Variants in HINT1 observed in about 807,000 individuals in gnomAD.
HINT1 encodes adenosine 5'-monophosphoramidase HINT1.
In HINT1, 12 loss-of-function variants were observed where a neutral mutation model predicts 11.2. The observed-to-expected ratio is 1.07, with a 90% CI of 0.69 to 1.74. HINT1 has a LOEUF of 1.74. Ranked by LOEUF, HINT1 falls within the 40% of genes most tolerant of loss-of-function variation. The pLI, the probability that HINT1 is intolerant of heterozygous loss-of-function variation, is 0.00. For missense variants in HINT1, 150 were observed against 161.8 expected (o/e 0.93, Z 0.40); for synonymous variants, 42 against 52.6 (o/e 0.80, Z 0.87).
At chr5:131,162,378 T>A in intron 2 of HINT1, 194 bp downstream of exon 2, 1 of 1,037,860 alleles carries the variant, frequency 9.6e-7, no homozygotes, top group Non-Finnish European at 1.4e-6. Context: ...GCTGGAACGC[T>A]CATTCATTGC....
At chr5:131,162,927 T>A (rs920987636) in intron 1 of HINT1, among the ~76,000 whole-genome samples, 3 of 151,992 alleles carry the variant, frequency 2.0e-5, no homozygotes, top group African/African-American at 7.2e-5. Flanking sequence ...AACCTCCGCC[T>A]CCTGGGTTCA....
rs1245711407 is a variant in HINT1 at position 131,165,232 on chromosome 5, A to G, written c.-27T>C. Reference sequence around the variant, plus strand: ...TCGGCCTCTCTCCCGCGCGGCGGCCAGAGGAGAGGCTCGGAAGAAGGGAGG... The same window carrying G: ...TCGGCCTCTCTCCCGCGCGGCGGCCGGAGGAGAGGCTCGGAAGAAGGGAGG... On this transcript the variant is annotated 5_prime_UTR_variant, in exon 1 of 3. Transcript: ENST00000304043. The G allele has an allele frequency of 4.4e-6, 7 of 1,597,778 alleles. No homozygotes were observed. The highest frequency in any genetic ancestry group is 5.1e-6 in the Non-Finnish European group (6 of 1,177,582).
chr5:131,159,253 T>C lies in HINT1; in HGVS notation c.*194A>G. ...TCACATATTCCAACAAATATGTTTTTAAAATAACAAATCAAACGCAACACT... is the reference window on the plus strand; with the variant it reads ...TCACATATTCCAACAAATATGTTTTCAAAATAACAAATCAAACGCAACACT... On this transcript the variant is annotated 3_prime_UTR_variant, in exon 3 of 3. Coordinates refer to ENST00000304043, the MANE Select transcript of HINT1 (RefSeq NM_005340.7). 4.2e-6 allele frequency: 2 copies of C among 480,552 alleles called. No individual in the cohort carries two copies. The highest frequency in any genetic ancestry group is 7.1e-5 in the Admixed American group (2 of 28,284). The allele number at this position is 480,552 out of a possible 1,614,324, so 29.8% of individuals were successfully genotyped here. A position where few individuals can be genotyped will look rare whatever the true frequency, so the allele number is the denominator to read the frequency against.
At chr5:131,161,826 C>T (rs535526994) in intron 2 of HINT1, among the ~76,000 whole-genome samples, 2 of 152,242 alleles carry the variant, frequency 1.3e-5, no homozygotes, top group East Asian at 3.9e-4. Flanking sequence ...GGGTTTGACC[C>T]GTGCAGGTCT....
chr5:131,162,998 C>T (rs1755296930), intron 1 of HINT1, among the ~76,000 whole-genome samples: 1 of 152,092 alleles, frequency 6.6e-6, no homozygotes. Flanking sequence ...CCATCATGCC[C>T]AGCTAATTTT....
rs1195414351 is a variant in HINT1, at chr5:131,159,227, T to G, written c.*220A>C. ...AAACATCCAAAATTATAAACCCACC[T>G]TCACATATTCCAACAAATATGTTTT... On this transcript the variant is annotated 3_prime_UTR_variant, in exon 3 of 3. Coordinates refer to ENST00000304043, the MANE Select transcript of HINT1 (RefSeq NM_005340.7). 2.3e-6 allele frequency: 1 copy of G among 429,758 alleles called. No individual in the cohort carries two copies. Among genetic ancestry groups the G allele is most frequent in the Non-Finnish European group, 4.2e-6 (1 of 240,502 alleles). 26.6% of individuals were successfully genotyped at this position (429,758 alleles called of 1,614,324 possible). A position where few individuals can be genotyped will look rare whatever the true frequency, so the allele number is the denominator to read the frequency against.
intron 1 of HINT1, among the ~76,000 whole-genome samples, chr5:131,164,777 G>T (rs1055909797): frequency 1.3e-5 from 2 of 152,100 alleles, no homozygotes; most frequent in Admixed American, 6.5e-5. Context: ...GGCAGCCGGG[G>T]AACCGGCGGG....
At chr5:131,162,196 C>G (rs1384522674) in intron 2 of HINT1, 1 of 518,986 alleles carries the variant, frequency 1.9e-6, no homozygotes. Context: ...TGGTGGCGGG[C>G]GCCTGTTGTC....
chr5:131,159,723 C>A, intron 2 of HINT1, 112 bp from the exon 3 acceptor site: 1 of 945,604 alleles, frequency 1.1e-6, no homozygotes, highest in Non-Finnish European at 1.6e-6. Context: ...TGAAACACAA[C>A]CCTTTGAGCA....
At position 131,162,590 on chromosome 5, in the gene HINT1, T is replaced by C. The variant is rs150581567; in HGVS notation, c.198A>G (p.Ala66=). ...TACTTACACTTTCATCATCATCTTC[T>C]GCCACAGAAATCTGGGATATATGTT... is the stretch of plus-strand genomic sequence containing the variant. The part of the protein sequence containing the change: ...PKKHISQISV[A]EDDDESLLGH... The change falls in exon 2 of 3, where the codon GCA becomes GCG. Residue 66 remains alanine (A), a synonymous_variant. Coordinates refer to ENST00000304043, the MANE Select transcript of HINT1 (RefSeq NM_005340.7). 305 of 1,612,118 alleles carry C rather than the reference T, an allele frequency of 1.9e-4. 1 individual carries two copies. The African/African-American group carries it at 3.8e-3, about 20-fold the overall frequency.
Position 131,162,689 on chromosome 5 carries a change from G to C in HINT1, c.112-13C>G. ...GGAAAGCAAGGCACTAGGGAAAAGA[G>C]AAATAAATAAATAAATCAAACTTTT... On this transcript the variant is annotated splice_polypyrimidine_tract_variant and intron_variant, in intron 1 of 2. Transcript: ENST00000304043. 7 of 1,516,748 alleles carry C rather than the reference G, an allele frequency of 4.6e-6. No individual in the cohort carries two copies. Among genetic ancestry groups the C allele is most frequent in the Non-Finnish European group, 6.4e-6 (7 of 1,099,886 alleles). 94.0% of individuals were successfully genotyped at this position (1,516,748 alleles called of 1,614,324 possible).
intron 1 of HINT1, among the ~76,000 whole-genome samples, chr5:131,164,677 AT>A (rs1755346401): frequency 6.6e-6 from 1 of 152,164 alleles, no homozygotes; most frequent in African/African-American, 2.4e-5. Flanking sequence ...GATCGCGGAG[AT>A]TGGGCCTGAG....
At chr5:131,160,896 C>T (rs1227457523) in intron 2 of HINT1, 6 of 452,268 alleles carry the variant, frequency 1.3e-5, no homozygotes, top group African/African-American at 6.0e-5. Context: ...TGTAGGTTAA[C>T]GTTAAGTGTT....
intron 1 of HINT1, among the ~76,000 whole-genome samples, chr5:131,164,503 AGGGATAGGGGTAG>A (rs1242877130): frequency 2.0e-5 from 3 of 152,152 alleles, no homozygotes; most frequent in African/African-American, 7.2e-5. Flanking sequence ...GGGTGGAGAT[AGGGATAGGGGTAG>A]GGGTGAGGGT....
At chr5:131,161,198 T>C in intron 2 of HINT1, among the ~76,000 whole-genome samples, 1 of 152,196 alleles carries the variant, frequency 6.6e-6, no homozygotes, top group East Asian at 1.9e-4. Flanking sequence ...ATTTAGAATG[T>C]TAACTGAGTA....
rs1238109957 is a variant in HINT1, at chr5:131,162,553, A to G, written c.216+19T>C. 1.2e-6 allele frequency: 2 copies of G among 1,604,058 alleles called. No homozygotes were observed. Among genetic ancestry groups the G allele is most frequent in the Non-Finnish European group, 1.7e-6 (2 of 1,171,104 alleles). On this transcript the variant is annotated intron_variant, in intron 2 of 2. Coordinates refer to ENST00000304043, the MANE Select transcript of HINT1 (RefSeq NM_005340.7). ...AATTTAAAAAGCAAGAAAATAAATC[A>G]TGTTAGAAATGTACTTACACTTTCA... is the stretch of plus-strand genomic sequence containing the variant.
intron 2 of HINT1, 37 bp downstream of exon 2, chr5:131,162,535 A>T: frequency 1.2e-6 from 2 of 1,607,586 alleles, no homozygotes; most frequent in Non-Finnish European, 8.5e-7. Context: ...CACAATTTAA[A>T]AAGCAAGAAA....
intron 2 of HINT1, chr5:131,160,629 A>C: frequency 2.2e-6 from 2 of 929,188 alleles, no homozygotes; most frequent in Non-Finnish European, 2.7e-6. Context: ...TACCTTATTA[A>C]GCCCCAGGAC....
At chr5:131,162,457 T>C in intron 2 of HINT1, 115 bp downstream of exon 2, 1 of 1,548,520 alleles carries the variant, frequency 6.5e-7, no homozygotes, top group Non-Finnish European at 8.7e-7. Context: ...ATGGTTTTTC[T>C]GGTTTTTCCT....
Sources: gnomAD v4.1 joint callset for allele counts (sites outside exome capture counted in the v4.1 genomes callset) on GRCh38, gnomAD v4.1.1 for gene constraint, MANE v1.5 for transcripts, NCBI Gene and HGNC (gene_info 2026-07-23, HGNC 2026-07-21) for gene names.